Variants in ARHGAP42 observed in about 807,000 individuals in gnomAD.
The protein encoded by ARHGAP42 is rho GTPase-activating protein 42.
A neutral mutation model predicts 125.0 loss-of-function variants in ARHGAP42; 63 were observed. The ratio of observed to expected loss-of-function variants is 0.50; its 90% CI spans 0.41 to 0.62. The LOEUF is 0.62. ARHGAP42 is among the 20% of genes least tolerant of loss of function. The probability of loss-of-function intolerance (pLI) is 0.00; values close to 1 mark genes in which losing one functional copy is unlikely to be tolerated. For missense variants in ARHGAP42, 766 were observed against 1,024.2 expected, an observed-to-expected ratio of 0.75 and a Z score of 3.44; for synonymous variants, 339 against 351.0, an observed-to-expected ratio of 0.97 and a Z score of 0.38.
chr11:100,694,607 A>G (rs184452801), intron 1 of ARHGAP42, among the ~76,000 whole-genome samples: 60 of 152,306 alleles, frequency 3.9e-4, no homozygotes, highest in African/African-American at 1.4e-3. Context: ...CAGCTCTGCC[A>G]GTCTTCCTTT....
Position 100,859,800 on chromosome 11 carries a change from G to A in ARHGAP42, c.384+175G>A. 6 of 479,722 alleles carry A rather than the reference G, an allele frequency of 1.3e-5. No homozygotes were observed. In the South Asian group the frequency reaches 2.4e-4, roughly 19 times the overall value. 29.7% of individuals were successfully genotyped at this position (479,722 alleles called of 1,614,324 possible). A position where few individuals can be genotyped will look rare whatever the true frequency, so the allele number is the denominator to read the frequency against. On this transcript the variant is annotated intron_variant, in intron 4 of 23. Transcript: ENST00000298815. ...TGGACTTCTTTTAGACATAAAAGAT[G>A]TTATTATTCTACTGAGTAGATAAGA...
chr11:100,798,434 C>T (rs112049927), intron 3 of ARHGAP42, among the ~76,000 whole-genome samples: 4,124 of 152,298 alleles, frequency 0.027, 74 homozygotes, highest in Non-Finnish European at 0.036. Context: ...AGTTAACAGT[C>T]ATCAGCATCA....
intron 6 of ARHGAP42, among the ~76,000 whole-genome samples, chr11:100,931,478 G>A (rs1040462743): frequency 1.3e-5 from 2 of 152,128 alleles, no homozygotes; most frequent in Admixed American, 1.3e-4. Flanking sequence ...GATCTCAGGG[G>A]ATTCGTTGTT....
intron 1 of ARHGAP42, among the ~76,000 whole-genome samples, chr11:100,750,672 T>C (rs1225561796): frequency 2.0e-5 from 3 of 151,248 alleles, no homozygotes; most frequent in Admixed American, 6.6e-5. Flanking sequence ...AAAATGGTTA[T>C]GGCAGAGCAG....
intron 4 of ARHGAP42, among the ~76,000 whole-genome samples, chr11:100,874,915 C>T (rs1337133638): frequency 5.9e-5 from 9 of 152,118 alleles, no homozygotes; most frequent in East Asian, 1.9e-4. Flanking sequence ...GCTCAAAGCA[C>T]GTATCTCAGG....
chr11:100,927,973 C>T (rs941517774), intron 6 of ARHGAP42, among the ~76,000 whole-genome samples: 1 of 152,114 alleles, frequency 6.6e-6, no homozygotes, highest in Non-Finnish European at 1.5e-5. Flanking sequence ...TTATTTGATT[C>T]GATTTATATA....
At chr11:100,828,762 G>A (rs1304153601) in intron 3 of ARHGAP42, among the ~76,000 whole-genome samples, 6 of 150,396 alleles carry the variant, frequency 4.0e-5, no homozygotes, top group South Asian at 2.1e-4. Context: ...ATCCTAGCTC[G>A]CTGCAGCCTC....
rs1336724780 is a variant in ARHGAP42 at position 100,776,905 on chromosome 11, C to A, written c.250+6467C>A. 3.3e-5 allele frequency among the ~76,000 whole-genome samples: 5 copies of A among 150,956 alleles called. No homozygotes were observed. In the East Asian group the frequency reaches 9.7e-4, roughly 29 times the overall value. On this transcript the variant is annotated intron_variant, in intron 2 of 23. Transcript: ENST00000298815. ...AGCTGAGGCAGGAGAACCACTTGAA[C>A]CCGGGAGGTGGAGGTTGCAGTGAAC... is the stretch of plus-strand genomic sequence containing the variant.
intron 1 of ARHGAP42, among the ~76,000 whole-genome samples, chr11:100,764,025 CTTT>C (rs772607133): frequency 7.9e-5 from 8 of 101,518 alleles, no homozygotes; most frequent in South Asian, 2.9e-4. Context: ...TCTTCTTCTT[CTTT>C]TTTTTTTTTT....
intron 2 of ARHGAP42, among the ~76,000 whole-genome samples, chr11:100,791,349 C>A (rs1036901562): frequency 5.5e-4 from 84 of 152,250 alleles, no homozygotes; most frequent in African/African-American, 1.8e-3. Context: ...ACCTTACATT[C>A]TTGTACCTGC....
At chr11:100,931,873 G>A (rs1003195706) in intron 6 of ARHGAP42, among the ~76,000 whole-genome samples, 7 of 152,044 alleles carry the variant, frequency 4.6e-5, no homozygotes, top group African/African-American at 1.7e-4. Context: ...GACAAATATA[G>A]CATCATTTTA....
Position 100,770,485 on chromosome 11 carries a change from C to T in ARHGAP42, c.250+47C>T, listed in dbSNP as rs570869750. Reference sequence around the variant, plus strand: ...AGTTCTATTACTAATATTTATTTTACTGAAATCAAATAGACACACACCTAA... The same window carrying T: ...AGTTCTATTACTAATATTTATTTTATTGAAATCAAATAGACACACACCTAA... On this transcript the variant is annotated intron_variant, in intron 2 of 23. Transcript: ENST00000298815. 4.9e-5 allele frequency: 65 copies of T among 1,323,868 alleles called. 1 individual carries two copies. In the South Asian group the frequency reaches 8.3e-4, roughly 17 times the overall value. 82.0% of individuals were successfully genotyped at this position (1,323,868 alleles called of 1,614,324 possible).
intron 3 of ARHGAP42, among the ~76,000 whole-genome samples, chr11:100,857,785 A>G (rs573137336): frequency 2.0e-5 from 3 of 152,140 alleles, no homozygotes; most frequent in Non-Finnish European, 2.9e-5. Flanking sequence ...CTTCCATAGA[A>G]CTGTCTCTGG....
chr11:100,769,712 CTTTTTTTTTTTTTTTT>C (rs140626690), intron 1 of ARHGAP42, among the ~76,000 whole-genome samples: 12 of 78,092 alleles, frequency 1.5e-4, no homozygotes, highest in Admixed American at 3.8e-4. Context: ...AGCATTCCTT[CTTTTTTTTTTTTTTTT>C]TTTTTTTTTT....
intron 13 of ARHGAP42, 115 bp from the exon 14 acceptor site, chr11:100,960,800 G>A: frequency 1.8e-6 from 1 of 560,118 alleles, no homozygotes; most frequent in Non-Finnish European, 3.0e-6. Context: ...AAGTTAGACT[G>A]TGAAATTGGA....
At chr11:100,904,428 G>T (rs981105629) in intron 4 of ARHGAP42, among the ~76,000 whole-genome samples, 1 of 151,994 alleles carries the variant, frequency 6.6e-6, no homozygotes, top group Non-Finnish European at 1.5e-5. Flanking sequence ...TGTATTTTTA[G>T]TAGAGACGGG....
rs561642365 is a variant in ARHGAP42 at position 100,760,556 on chromosome 11, C to A, written c.155-9787C>A. Among the ~76,000 whole-genome samples, 292 of 151,990 alleles carry A rather than the reference C, an allele frequency of 1.9e-3. 1 individual carries two copies. The highest frequency in any genetic ancestry group is 6.8e-3 in the African/African-American group (280 of 41,418). The stretch of plus-strand genomic sequence containing the variant: ...TCTACTAAAAATACAAAAAAATTAG[C>A]CGGGTGTGGTGGCGGGCTCCTGTAA... On this transcript the variant is annotated intron_variant, in intron 1 of 23. Coordinates refer to ENST00000298815, the MANE Select transcript of ARHGAP42 (RefSeq NM_152432.4).
chr11:100,712,256 T>A (rs962306590), intron 1 of ARHGAP42, among the ~76,000 whole-genome samples: 2 of 152,212 alleles, frequency 1.3e-5, no homozygotes, highest in African/African-American at 4.8e-5. Context: ...TTAACCTGTA[T>A]AAATAATTAG....
intron 2 of ARHGAP42, among the ~76,000 whole-genome samples, chr11:100,793,904 C>T (rs1863637379): frequency 6.6e-6 from 1 of 151,644 alleles, no homozygotes. Flanking sequence ...GACCCTGTCT[C>T]TACAAAATAA....
Sources: gnomAD v4.1 joint callset for allele counts (sites outside exome capture counted in the v4.1 genomes callset) on GRCh38, gnomAD v4.1.1 for gene constraint, MANE v1.5 for transcripts, NCBI Gene and HGNC (gene_info 2026-07-23, HGNC 2026-07-21) for gene names.